Variants in MYO3B observed in about 807,000 individuals in gnomAD.
The protein encoded by MYO3B is myosin IIIB, also known as myosin-IIIb.
A neutral mutation model predicts 174.6 loss-of-function variants in MYO3B; 156 were observed. The ratio of observed to expected loss-of-function variants is 0.89; its 90% CI spans 0.78 to 1.02. The LOEUF (loss-of-function observed/expected upper bound fraction) is 1.02, where lower values mean the gene tolerates loss of function less well. MYO3B is among the 50% of genes least tolerant of loss of function. The pLI, the probability that MYO3B is intolerant of heterozygous loss-of-function variation, is 0.00. For missense variants in MYO3B, 1,632 were observed against 1,639.4 expected (o/e 1.00, Z 0.08); for synonymous variants, 563 against 569.1 (o/e 0.99, Z 0.15).
At chr2:170,205,204 C>A (rs373872933) in intron 3 of MYO3B, among the ~76,000 whole-genome samples, 2 of 152,264 alleles carry the variant, frequency 1.3e-5, no homozygotes, top group East Asian at 1.9e-4. Context: ...TGACAAATAG[C>A]TACTCTTAAT....
chr2:170,349,960 C>T (rs1190235124), intron 8 of MYO3B: 2 of 152,040 alleles, frequency 1.3e-5, no homozygotes, highest in African/African-American at 4.8e-5. Context: ...TCAGATACAC[C>T]TTCCTCTCTC....
intron 32 of MYO3B, among the ~76,000 whole-genome samples, chr2:170,549,161 C>A (rs1290594019): frequency 6.6e-6 from 1 of 152,164 alleles, no homozygotes; most frequent in African/African-American, 2.4e-5. Context: ...TTTAGTTTAA[C>A]CTTGTGACCT....
At chr2:170,422,418 T>C (rs2094623059) in intron 22 of MYO3B, among the ~76,000 whole-genome samples, 1 of 151,740 alleles carries the variant, frequency 6.6e-6, no homozygotes, top group Non-Finnish European at 1.5e-5. Context: ...GAAAACCTTA[T>C]GGGACAGTGC....
intron 6 of MYO3B, among the ~76,000 whole-genome samples, chr2:170,220,258 A>AAAAACAAAACAAAAC (rs66736722): frequency 6.7e-6 from 1 of 150,166 alleles, no homozygotes; most frequent in African/African-American, 2.5e-5. Flanking sequence ...ACTCCGTCTC[A>AAAAACAAAACAAAAC]AAAACAAAAC....
At chr2:170,391,981 T>C (rs1428727550) in intron 15 of MYO3B, among the ~76,000 whole-genome samples, 1 of 151,632 alleles carries the variant, frequency 6.6e-6, no homozygotes, top group Non-Finnish European at 1.5e-5. Flanking sequence ...ATAGTGAGAC[T>C]CTGTCTCTAC....
chr2:170,366,122 T>G (rs1475011134), intron 8 of MYO3B, among the ~76,000 whole-genome samples: 1 of 152,132 alleles, frequency 6.6e-6, no homozygotes, highest in Non-Finnish European at 1.5e-5. Flanking sequence ...CATCCCTGTA[T>G]GTAAGTTTCT....
Position 170,421,865 on chromosome 2 carries a change from A to C in MYO3B, c.2650+14021A>C, listed in dbSNP as rs190610520. On this transcript the variant is annotated intron_variant, in intron 22 of 34. Transcript: ENST00000408978. ...CCATCCCTGAATGTTTTTAGGTTTT[A>C]ATTTGTACTCTGCAAGTGCTGTCTT... Among the ~76,000 whole-genome samples, 367 of 152,090 alleles carry C rather than the reference A, an allele frequency of 2.4e-3. 1 individual carries two copies. The highest frequency in any genetic ancestry group is 8.7e-3 in the African/African-American group (359 of 41,472).
rs149517705 is a variant in MYO3B, at chr2:170,617,179, C to G, written c.3734-34449C>G. ...TAGCAGCAATCACAGTAACAGCAATCAAGCCCATTATTATTGCAATTAATG... is the reference window on the plus strand; with the variant it reads ...TAGCAGCAATCACAGTAACAGCAATGAAGCCCATTATTATTGCAATTAATG... On this transcript the variant is annotated intron_variant, in intron 32 of 34. Transcript: ENST00000408978. Among the ~76,000 whole-genome samples the G allele has an allele frequency of 6.6e-3, 1,008 of 152,248 alleles. 13 individuals carry two copies. The highest frequency in any genetic ancestry group is 0.021 in the African/African-American group (867 of 41,534).
chr2:170,342,011 C>G (rs1240918140), intron 8 of MYO3B: 4 of 152,176 alleles, frequency 2.6e-5, no homozygotes, highest in Admixed American at 1.3e-4. Context: ...AGGAATATAT[C>G]CTGTCTTCTC....
At chr2:170,591,110 T>G (rs1007264904) in intron 32 of MYO3B, among the ~76,000 whole-genome samples, 2 of 152,220 alleles carry the variant, frequency 1.3e-5, no homozygotes, top group African/African-American at 4.8e-5. Context: ...TGGAGCTTTA[T>G]TTTTCCCAAT....
chr2:170,453,722 C>T (rs1388580523), intron 23 of MYO3B, among the ~76,000 whole-genome samples: 1 of 152,186 alleles, frequency 6.6e-6, no homozygotes, highest in African/African-American at 2.4e-5. Flanking sequence ...GCCCGATAGT[C>T]TGCATGAGGA....
chr2:170,520,466 C>T lies in MYO3B; in HGVS notation c.3575+926C>T, dbSNP rs374552267. On this transcript the variant is annotated intron_variant, in intron 30 of 34. Transcript: ENST00000408978. ...ATATACACATATATATATACACACA[C>T]ATATATATACACATATATATATACA... Among the ~76,000 whole-genome samples the T allele has an allele frequency of 3.3e-5, 5 of 151,090 alleles. No individual in the cohort carries two copies. In the South Asian group the frequency reaches 6.3e-4, roughly 19 times the overall value.
intron 17 of MYO3B, 91 bp downstream of exon 17, chr2:170,400,405 T>A: frequency 2.8e-6 from 3 of 1,067,920 alleles, no homozygotes; most frequent in East Asian, 3.3e-5. Flanking sequence ...GCTGGTCCTT[T>A]TTTTTTTTTT....
At chr2:170,563,691 T>G (rs369276170) in intron 32 of MYO3B, among the ~76,000 whole-genome samples, 1 of 152,296 alleles carries the variant, frequency 6.6e-6, no homozygotes, top group African/African-American at 2.4e-5. Context: ...GGGTAGGCAA[T>G]TTCTGGTGTT....
In MYO3B at chr2:170,200,222, T is replaced by C. The variant is rs945077327; in HGVS notation, c.259T>C (p.Phe87Leu). The change falls in exon 3 of 35, where the codon TTT becomes CTT. Residue 87 changes from phenylalanine to leucine, a missense_variant. Coordinates refer to ENST00000408978, the MANE Select transcript of MYO3B (RefSeq NM_138995.5). ...FLPNHPNVVKFYGMFYKADHC... is the reference protein window; with the variant it reads ...FLPNHPNVVKLYGMFYKADHC... ...TCCTAATCATCCCAATGTTGTAAAGTTTTATGGGATGTTTTACAAAGCGGA... is the reference window on the plus strand; with the variant it reads ...TCCTAATCATCCCAATGTTGTAAAGCTTTATGGGATGTTTTACAAAGCGGA... 2 of 1,613,442 alleles carry C rather than the reference T, an allele frequency of 1.2e-6. No homozygotes were observed. The highest frequency in any genetic ancestry group is 8.5e-7 in the Non-Finnish European group (1 of 1,179,646).
At chr2:170,215,780 T>A (rs2092821707) in intron 5 of MYO3B, among the ~76,000 whole-genome samples, 1 of 152,196 alleles carries the variant, frequency 6.6e-6, no homozygotes, top group Non-Finnish European at 1.5e-5. Context: ...ATAACTCCAA[T>A]AATATGCTGT....
chr2:170,197,143 G>C (rs192622566), intron 1 of MYO3B, among the ~76,000 whole-genome samples: 9 of 151,698 alleles, frequency 5.9e-5, no homozygotes, highest in Non-Finnish European at 1.0e-4. Flanking sequence ...TTTTATCTCT[G>C]ACCCAACCAA....
chr2:170,377,494 C>T (rs2094303313), intron 9 of MYO3B, among the ~76,000 whole-genome samples: 1 of 152,168 alleles, frequency 6.6e-6, no homozygotes, highest in African/African-American at 2.4e-5. Context: ...CTTGATGGTA[C>T]AGACTTGCCC....
intron 26 of MYO3B, among the ~76,000 whole-genome samples, chr2:170,498,990 A>G (rs758033446): frequency 1.3e-5 from 2 of 152,234 alleles, no homozygotes; most frequent in Non-Finnish European, 2.9e-5. Flanking sequence ...TTATTCCAGT[A>G]CCACATGTAA....
Sources: gnomAD v4.1 joint callset for allele counts (sites outside exome capture counted in the v4.1 genomes callset) on GRCh38, gnomAD v4.1.1 for gene constraint, MANE v1.5 for transcripts, NCBI Gene and HGNC (gene_info 2026-07-23, HGNC 2026-07-21) for gene names.